Variants in NLRP1 observed in about 807,000 individuals in gnomAD.
NLRP1 encodes NACHT, LRR and PYD domains-containing protein 1.
In NLRP1, 94 loss-of-function variants were observed where a neutral mutation model predicts 136.7. The observed-to-expected ratio is 0.69, with a 90% confidence interval of 0.58 to 0.82. NLRP1 has a LOEUF of 0.82. Among genes scored for constraint, NLRP1 ranks in the 40% least tolerant of loss-of-function variants. The pLI is 0.00. For synonymous variants in NLRP1, 690 were observed against 725.1 expected, an observed-to-expected ratio of 0.95 and a Z score of 0.78; for missense variants, 1,575 against 1,802.7, an observed-to-expected ratio of 0.87 and a Z score of 2.29.
At position 5,517,831 on chromosome 17, in the gene NLRP1, G is replaced by A. The variant is rs953855584; in HGVS notation, c.3972C>T (p.Tyr1324=). The A allele has an allele frequency of 2.5e-6, 4 of 1,614,004 alleles. No homozygotes were observed. The highest frequency in any genetic ancestry group is 1.3e-5 in the African/African-American group (1 of 74,906). Residue 1324 remains tyrosine (Y), a synonymous_variant, in exon 15 of 17, where the codon TAC becomes TAT. Transcript: ENST00000572272. ...PGEDQLFSEF[Y]VGHLGSGIRL... Reference sequence around the variant, plus strand: ...TGATCCCTGATCCCAAGTGGCCAACGTAGAACTCCGAGAACAGCTGGTCTT... The same window carrying A: ...TGATCCCTGATCCCAAGTGGCCAACATAGAACTCCGAGAACAGCTGGTCTT...
At chr17:5,563,828 T>C (rs772755137) in intron 3 of NLRP1, among the ~76,000 whole-genome samples, 16 of 152,118 alleles carry the variant, frequency 1.1e-4, no homozygotes, top group Non-Finnish European at 2.2e-4. Context: ...GTTCTCAGAT[T>C]CCCCAAGTCC....
At chr17:5,562,978 G>C (rs535763037) in intron 3 of NLRP1, among the ~76,000 whole-genome samples, 6 of 152,218 alleles carry the variant, frequency 3.9e-5, no homozygotes, top group Non-Finnish European at 8.8e-5. Flanking sequence ...TCTAGAGTTA[G>C]AGCAGGCAGC....
At chr17:5,533,551 G>GTTTTTTTTTTTTTTTTTTTTT (rs35006823) in intron 9 of NLRP1, among the ~76,000 whole-genome samples, 167 bp from the exon 10 acceptor site, 2 of 90,030 alleles carry the variant, frequency 2.2e-5, no homozygotes, top group African/African-American at 4.4e-5. Context: ...GTGAGACTCT[G>GTTTTTTTTTTTTTTTTTTTTT]TTTTTTTTTT....
chr17:5,513,866 C>T (rs1202760745), downstream of NLRP1, among the ~76,000 whole-genome samples: 2 of 152,186 alleles, frequency 1.3e-5, no homozygotes, highest in Non-Finnish European at 2.9e-5. Flanking sequence ...GTCCTCGCTG[C>T]TCATTATATG....
chr17:5,559,604 G>A lies in NLRP1; in HGVS notation c.1092C>T (p.Val364=). ...CCAGCTCTCTGCAGCTGAAGTAGAA[G>A]ACATGCTGGAAGCGGTCCCCATACA... ...GQLYGDRFQH[V]FYFSCRELAQ... The change falls in exon 4 of 17, where the codon GTC becomes GTT. Residue 364 remains valine, a synonymous_variant. Coordinates refer to ENST00000572272, the MANE Select transcript of NLRP1 (RefSeq NM_033004.4). 5 of 1,614,222 alleles carry A rather than the reference G, an allele frequency of 3.1e-6. No homozygotes were observed. Among genetic ancestry groups the A allele is most frequent in the Non-Finnish European group, 4.2e-6 (5 of 1,180,040 alleles).
chr17:5,570,421 A>T (rs1308988026), intron 3 of NLRP1, among the ~76,000 whole-genome samples: 1 of 152,070 alleles, frequency 6.6e-6, no homozygotes, highest in Non-Finnish European at 1.5e-5. Flanking sequence ...CAGAAATGAC[A>T]AAGAGGACAT....
intron 5 of NLRP1, among the ~76,000 whole-genome samples, chr17:5,548,253 T>C (rs1026530486): frequency 6.6e-6 from 1 of 152,200 alleles, no homozygotes; most frequent in Non-Finnish European, 1.5e-5. Context: ...CAGAGAAAAA[T>C]GAAGCCATCA....
At position 5,557,465 on chromosome 17, in the gene NLRP1, G is replaced by T. The variant is rs370278527; in HGVS notation, c.2357+874C>A. 2.6e-5 allele frequency among the ~76,000 whole-genome samples: 4 copies of T among 152,246 alleles called. No homozygotes were observed. The East Asian group carries it at 5.8e-4, about 22-fold the overall frequency. ...CTTCCTTGGGCCACCACAGTACCTT[G>T]TCCATACCTCTACTGTTGTAGACAT... On this transcript the variant is annotated intron_variant, in intron 4 of 16. Coordinates refer to ENST00000572272, the MANE Select transcript of NLRP1 (RefSeq NM_033004.4).
At chr17:5,546,242 C>T (rs1341072552) in intron 5 of NLRP1, among the ~76,000 whole-genome samples, 1 of 151,626 alleles carries the variant, frequency 6.6e-6, no homozygotes, top group African/African-American at 2.4e-5. Context: ...TACCAGCTGG[C>T]TGCAAGATCC....
intron 3 of NLRP1, among the ~76,000 whole-genome samples, chr17:5,566,383 T>C (rs1915337092): frequency 6.6e-6 from 1 of 152,058 alleles, no homozygotes. Flanking sequence ...CAAGAAATTT[T>C]TCTTTCTTTA....
In NLRP1 at chr17:5,558,422, A is replaced by C; in HGVS notation, c.2274T>G (p.Ile758Met). Residue 758 changes from isoleucine (I) to methionine (M), a missense_variant, in exon 4 of 17, where the codon ATT (isoleucine) becomes ATG (methionine). Physicochemically the swap from Ile to Met is conservative, Grantham distance 10. Transcript: ENST00000572272. ...GCTTCTTCACGTGGCGGCTGAATTT[A>C]ATGCAGAAAGTGCACACTAAGAGCT... Reference protein sequence around the residue: ...DMELLVCTFCIKFSRHVKKLQ... With the variant: ...DMELLVCTFCMKFSRHVKKLQ... The C allele has an allele frequency of 6.2e-7, 1 of 1,614,100 alleles. No homozygotes were observed. Among genetic ancestry groups the C allele is most frequent in the South Asian group, 1.1e-5 (1 of 91,084 alleles).
At chr17:5,557,172 T>G (rs548353617) in intron 4 of NLRP1, among the ~76,000 whole-genome samples, 7 of 151,804 alleles carry the variant, frequency 4.6e-5, no homozygotes, top group African/African-American at 1.7e-4. Flanking sequence ...CCCAGATAAT[T>G]TTTGTATTTT....
chr17:5,516,649 G>A (rs769779103), intron 15 of NLRP1, among the ~76,000 whole-genome samples: 2 of 152,216 alleles, frequency 1.3e-5, no homozygotes, highest in African/African-American at 2.4e-5. Context: ...CTACAAATTA[G>A]TCATTATGAT....
intron 4 of NLRP1, among the ~76,000 whole-genome samples, chr17:5,555,777 T>C (rs185971525): frequency 2.1e-4 from 32 of 152,254 alleles, no homozygotes; most frequent in African/African-American, 7.5e-4. Flanking sequence ...TCATTCAAAA[T>C]GGTGTTGTAT....
At chr17:5,529,062 C>G (rs759311018) in intron 12 of NLRP1, among the ~76,000 whole-genome samples, 2 of 152,328 alleles carry the variant, frequency 1.3e-5, no homozygotes, top group East Asian at 3.9e-4. Flanking sequence ...GGCACAGTGG[C>G]TCACACCTAT....
Position 5,502,136 on chromosome 17 carries a change from G to A in NLRP1, c.4070-264C>T, listed in dbSNP as rs1473407767. 2.0e-5 allele frequency: 8 copies of A among 402,664 alleles called. No individual in the cohort carries two copies. The Admixed American group carries it at 2.9e-4, about 14-fold the overall frequency. 24.9% of individuals were successfully genotyped at this position (402,664 alleles called of 1,614,324 possible). On this transcript the variant is annotated intron_variant, in intron 15 of 15. Coordinates refer to the NLRP1 transcript ENST00000262467. ...CCTACTAGGTAGTGGTAGGTACTCA[G>A]GTTTTTGCTGAATGAATGATGCAGT... is the stretch of plus-strand genomic sequence containing the variant.
At chr17:5,579,662 A>G (rs1905384268) in intron 3 of NLRP1, among the ~76,000 whole-genome samples, 1 of 152,202 alleles carries the variant, frequency 6.6e-6, no homozygotes, top group East Asian at 1.9e-4. Context: ...ACTAGTCACA[A>G]TAGCACCAGT....
intron 5 of NLRP1, among the ~76,000 whole-genome samples, chr17:5,545,345 C>G (rs1396627194): frequency 2.8e-5 from 4 of 141,968 alleles, no homozygotes; most frequent in Admixed American, 7.0e-5. Flanking sequence ...CAGACACACA[C>G]ACACACACAC....
At chr17:5,560,775 C>G (rs1914647088) in intron 3 of NLRP1, among the ~76,000 whole-genome samples, 2 of 152,218 alleles carry the variant, frequency 1.3e-5, no homozygotes, top group African/African-American at 2.4e-5. Context: ...CCCCGCCTCA[C>G]CATTCTCTCT....
Sources: gnomAD v4.1 joint callset for allele counts (sites outside exome capture counted in the v4.1 genomes callset) on GRCh38, gnomAD v4.1.1 for gene constraint, MANE v1.5 for transcripts, NCBI Gene and HGNC (gene_info 2026-07-23, HGNC 2026-07-21) for gene names.